The following STX8 variants were observed in gnomAD, a reference collection of about 807,000 sequenced individuals.
STX8 encodes syntaxin-8.
STX8 carries 23 observed loss-of-function variants against 37.5 expected under a neutral mutation model. That is an observed-to-expected ratio of 0.61 (90% CI 0.44 to 0.87). The LOEUF (loss-of-function observed/expected upper bound fraction) is 0.87. STX8 is among the 40% of genes least tolerant of loss of function. STX8 has a pLI of 0.00. For missense variants in STX8, 313 were observed against 284.7 expected (o/e 1.10, Z -0.71); for synonymous variants, 115 against 99.1 (o/e 1.16, Z -0.95).
intron 4 of STX8, among the ~76,000 whole-genome samples, chr17:9,511,314 A>C (rs1905012024): frequency 6.6e-6 from 1 of 152,198 alleles, no homozygotes; most frequent in Non-Finnish European, 1.5e-5. Context: ...AGAAAAAGAA[A>C]AGTTCAGGCC....
At chr17:9,474,754 T>C (rs895029492) in intron 6 of STX8, among the ~76,000 whole-genome samples, 2 of 152,154 alleles carry the variant, frequency 1.3e-5, no homozygotes, top group Admixed American at 6.5e-5. Context: ...GGGCAGATCA[T>C]GAGGTCAGGA....
intron 4 of STX8, among the ~76,000 whole-genome samples, chr17:9,523,569 C>T (rs780539584): frequency 1.3e-5 from 2 of 152,142 alleles, no homozygotes; most frequent in Non-Finnish European, 2.9e-5. Context: ...TATGATAAAT[C>T]CGTTGAGTGT....
chr17:9,265,257 A>C (rs977516226), intron 7 of STX8, among the ~76,000 whole-genome samples: 10 of 152,354 alleles, frequency 6.6e-5, no homozygotes, highest in African/African-American at 2.2e-4. Flanking sequence ...AGTGAATATG[A>C]GATGGGCTCC....
intron 7 of STX8, among the ~76,000 whole-genome samples, chr17:9,253,845 G>A (rs536333366): frequency 1.3e-5 from 2 of 152,254 alleles, no homozygotes; most frequent in South Asian, 4.1e-4. Context: ...CAAGTGACAA[G>A]AACAAAGAAA....
intron 7 of STX8, among the ~76,000 whole-genome samples, chr17:9,329,187 T>C (rs1042732073): frequency 6.7e-6 from 1 of 150,256 alleles, no homozygotes; most frequent in African/African-American, 2.4e-5. Flanking sequence ...ACAGAAACAT[T>C]ATGGCCATAG....
intron 4 of STX8, among the ~76,000 whole-genome samples, chr17:9,515,357 T>C (rs956040759): frequency 2.0e-5 from 3 of 152,184 alleles, no homozygotes; most frequent in South Asian, 4.1e-4. Context: ...CAGGCAAAAC[T>C]GGAAGAAAAT....
At chr17:9,444,078 A>T (rs1904754505) in intron 6 of STX8, among the ~76,000 whole-genome samples, 1 of 152,066 alleles carries the variant, frequency 6.6e-6, no homozygotes, top group African/African-American at 2.4e-5. Context: ...GACCTCCCTC[A>T]CACTTCTATT....
intron 7 of STX8, among the ~76,000 whole-genome samples, chr17:9,252,581 C>T (rs2142115863): frequency 6.8e-6 from 1 of 148,120 alleles, no homozygotes; most frequent in Middle Eastern, 3.4e-3. Context: ...TGCAATACAG[C>T]CTGTGCAACA....
Position 9,505,139 on chromosome 17 carries a change from G to C in STX8, c.347C>G (p.Ala116Gly), listed in dbSNP as rs755329439. 1.2e-6 allele frequency: 2 copies of C among 1,613,898 alleles called. No homozygotes were observed. The highest frequency in any genetic ancestry group is 1.7e-6 in the Non-Finnish European group (2 of 1,179,962). The change falls in exon 5 of 8, where the codon GCT (alanine) becomes GGT (glycine). Residue 116 changes from alanine to glycine, a missense_variant. Transcript: ENST00000306357. The stretch of plus-strand genomic sequence containing the variant: ...CCAAGGGTTGGGTGCTCCTCGCTTA[G>C]CCTCTTCACTCATCAGGCTGGACCT... ...LIRSSLMSEE[A>G]KRGAPNPWLF...
intron 7 of STX8, among the ~76,000 whole-genome samples, chr17:9,286,618 A>T (rs1908081266): frequency 6.6e-6 from 1 of 151,844 alleles, no homozygotes; most frequent in Non-Finnish European, 1.5e-5. Context: ...TAAGCTGGCT[A>T]CAGCAGCTGC....
At chr17:9,564,470 A>C (rs1274244267) in intron 2 of STX8, among the ~76,000 whole-genome samples, 2 of 152,194 alleles carry the variant, frequency 1.3e-5, no homozygotes, top group Non-Finnish European at 2.9e-5. Context: ...TCATACTCCC[A>C]GTCCAAAAGC....
At chr17:9,518,288 C>A (rs994905638) in intron 4 of STX8, among the ~76,000 whole-genome samples, 9 of 152,052 alleles carry the variant, frequency 5.9e-5, no homozygotes, top group African/African-American at 2.2e-4. Context: ...AACACTCTTC[C>A]CAGGTCTTAC....
At chr17:9,410,067 A>G (rs1912930922) in intron 6 of STX8, among the ~76,000 whole-genome samples, 1 of 152,254 alleles carries the variant, frequency 6.6e-6, no homozygotes, top group Admixed American at 6.5e-5. Flanking sequence ...CTGCTTTGGC[A>G]AGAGAACAGA....
intron 3 of STX8, among the ~76,000 whole-genome samples, chr17:9,552,156 C>G (rs572190888): frequency 1.1e-4 from 16 of 152,126 alleles, no homozygotes; most frequent in Admixed American, 4.6e-4. Flanking sequence ...TCGAGACCAG[C>G]CTGGGCAACA....
intron 7 of STX8, among the ~76,000 whole-genome samples, chr17:9,356,165 T>C (rs556309980): frequency 2.2e-4 from 34 of 152,336 alleles, no homozygotes; most frequent in African/African-American, 7.7e-4. Context: ...TAGGTCCATT[T>C]GTCAAGCAGT....
rs912947206 is a variant in STX8 at position 9,352,175 on chromosome 17, CA to C, written c.643+26376del. Among the ~76,000 whole-genome samples the C allele has an allele frequency of 5.4e-5, 8 of 146,968 alleles. No homozygotes were observed. In the South Asian group the frequency reaches 6.5e-4, roughly 12 times the overall value. ...TAAAAAAAAAAAAAAAGAAAAACAACAAAAAAAAACTTGGGGCTTCATAATC... is the reference window on the plus strand; with the variant it reads ...TAAAAAAAAAAAAAAAGAAAAACAACAAAAAAAACTTGGGGCTTCATAATC... On this transcript the variant is annotated intron_variant, in intron 7 of 7. Coordinates refer to ENST00000306357, the MANE Select transcript of STX8 (RefSeq NM_004853.3).
intron 7 of STX8, among the ~76,000 whole-genome samples, chr17:9,346,746 T>C (rs1910546302): frequency 6.6e-6 from 1 of 152,150 alleles, no homozygotes; most frequent in Non-Finnish European, 1.5e-5. Flanking sequence ...ACCATAGGGG[T>C]GGCTACACTG....
chr17:9,406,078 G>GGCTTCATGTATTTCC (rs562602626), intron 6 of STX8, among the ~76,000 whole-genome samples: 163 of 152,242 alleles, frequency 1.1e-3, no homozygotes, highest in African/African-American at 3.7e-3. Flanking sequence ...CTGCAGTGAC[G>GGCTTCATGTATTTCC]GCTTCATGTA....
intron 4 of STX8, among the ~76,000 whole-genome samples, chr17:9,521,053 G>A (rs1905321380): frequency 6.6e-6 from 1 of 152,158 alleles, no homozygotes; most frequent in South Asian, 2.1e-4. Flanking sequence ...TCCTTTTTCA[G>A]AACTTTTTTT....
Sources: allele counts gnomAD v4.1 joint callset (sites outside exome capture counted in the v4.1 genomes callset), GRCh38; gene constraint gnomAD v4.1.1; transcripts MANE v1.5; gene names NCBI Gene and HGNC (gene_info 2026-07-23, HGNC 2026-07-21).